The following MIA2 variants were observed in gnomAD, a reference collection of about 807,000 sequenced individuals.
The protein encoded by MIA2 is melanoma inhibitory activity protein 2.
In MIA2, 127 loss-of-function variants were observed where a neutral mutation model predicts 167.8. The observed-to-expected ratio is 0.76, with a 90% confidence interval of 0.66 to 0.88. MIA2 has a LOEUF of 0.88. Ranked by LOEUF, MIA2 falls within the 40% of genes least tolerant of loss-of-function variation. The pLI is 0.00. For missense variants in MIA2, 1,690 were observed against 1,624.7 expected (o/e 1.04, Z -0.69); for synonymous variants, 552 against 541.9 (o/e 1.02, Z -0.26).
At chr14:39,312,386 C>A (rs1452502402) in intron 18 of MIA2, among the ~76,000 whole-genome samples, 1 of 152,186 alleles carries the variant, frequency 6.6e-6, no homozygotes, top group Non-Finnish European at 1.5e-5. Flanking sequence ...AAGTGATTGA[C>A]CTTAGGGAAT....
At chr14:39,364,495 T>C (rs2074773560) in intron 23 of MIA2, among the ~76,000 whole-genome samples, 1 of 152,114 alleles carries the variant, frequency 6.6e-6, no homozygotes, top group Admixed American at 6.5e-5. Flanking sequence ...TTGTTCCTTA[T>C]TTGTATTTGC....
intron 9 of MIA2, 96 bp downstream of exon 9, chr14:39,279,633 T>C: frequency 1.3e-6 from 1 of 779,580 alleles, no homozygotes. Flanking sequence ...TTATGAATGC[T>C]TTGTTTGCAG....
At chr14:39,265,344 G>T (rs1439451070) in intron 6 of MIA2, 2 of 1,414,290 alleles carry the variant, frequency 1.4e-6, no homozygotes. Context: ...TGAGGTGCCT[G>T]GTAGAACTTT....
At chr14:39,315,340 A>G (rs2065216497) in intron 20 of MIA2, 1 of 187,126 alleles carries the variant, frequency 5.3e-6, no homozygotes. Context: ...AAATTGCCGT[A>G]TCTCCTGCTG....
chr14:39,299,305 C>CT (rs34424266), intron 13 of MIA2, among the ~76,000 whole-genome samples: 25,488 of 92,698 alleles, frequency 0.27, 4,976 homozygotes, highest in East Asian at 0.51. Context: ...AATGGTATTT[C>CT]TTTTTTTTTT....
chr14:39,238,732 T>TGCAGTGAACCATGATTGTACCACTGC (rs1346270980), intron 2 of MIA2, among the ~76,000 whole-genome samples: 8 of 141,340 alleles, frequency 5.7e-5, no homozygotes, highest in African/African-American at 1.6e-4. Context: ...AGGTAGAGGC[T>TGCAGTGAACCATGATTGTACCACTGC]GCAGTGAACC....
intron 20 of MIA2, 116 bp from the exon 21 acceptor site, chr14:39,315,567 C>T (rs1443187229): frequency 2.6e-6 from 2 of 756,742 alleles, no homozygotes; most frequent in Non-Finnish European, 4.4e-6. Flanking sequence ...GTTGCCTACT[C>T]TTCAGAGATG....
intron 6 of MIA2, among the ~76,000 whole-genome samples, chr14:39,261,139 C>G (rs781312944): frequency 6.6e-6 from 1 of 152,092 alleles, no homozygotes; most frequent in African/African-American, 2.4e-5. Flanking sequence ...TTCCCTCCCC[C>G]TCCCCTCACC....
intron 21 of MIA2, among the ~76,000 whole-genome samples, chr14:39,316,995 T>C (rs1370958914): frequency 6.6e-6 from 1 of 152,080 alleles, no homozygotes; most frequent in East Asian, 1.9e-4. Flanking sequence ...CACCGCTGCG[T>C]ATTTAGTGAA....
intron 4 of MIA2, 73 bp downstream of exon 4, chr14:39,248,214 G>A (rs2054395604): frequency 8.9e-7 from 1 of 1,119,928 alleles, no homozygotes; most frequent in Admixed American, 3.4e-5. Flanking sequence ...GTGCAAATCA[G>A]ATGAAAAAGT....
chr14:39,312,004 A>G (rs140772712), intron 18 of MIA2, among the ~76,000 whole-genome samples: 274 of 150,006 alleles, frequency 1.8e-3, no homozygotes, highest in African/African-American at 6.1e-3. Flanking sequence ...TAATTTTTGT[A>G]TTTTTAGTGG....
intron 18 of MIA2, 40 bp from the exon 19 acceptor site, chr14:39,313,300 G>T: frequency 9.8e-7 from 1 of 1,021,718 alleles, no homozygotes; most frequent in South Asian, 1.6e-5. Context: ...ATTATCTTTT[G>T]ACATGTATTA....
At chr14:39,303,940 C>T (rs1158947176) in intron 16 of MIA2, among the ~76,000 whole-genome samples, 2 of 151,964 alleles carry the variant, frequency 1.3e-5, no homozygotes, top group South Asian at 2.1e-4. Context: ...GTGGTATCCT[C>T]ATTTTTGCTG....
chr14:39,373,952 A>T (rs551301688), intron 23 of MIA2, among the ~76,000 whole-genome samples: 1 of 152,370 alleles, frequency 6.6e-6, no homozygotes, highest in East Asian at 1.9e-4. Context: ...ACCTGAGCCC[A>T]GGAGTCTCTC....
At chr14:39,255,911 A>G (rs2054794835) in intron 6 of MIA2, among the ~76,000 whole-genome samples, 1 of 152,226 alleles carries the variant, frequency 6.6e-6, no homozygotes, top group Admixed American at 6.5e-5. Context: ...GATCTTGGAA[A>G]GTCACTTATT....
downstream of MIA2, among the ~76,000 whole-genome samples, chr14:39,355,883 T>G (rs2074510000): frequency 2.0e-5 from 3 of 152,256 alleles, 1 homozygote; most frequent in South Asian, 6.2e-4. Context: ...GAACCAGCCC[T>G]GCATCCCAGG....
chr14:39,361,534 G>T (rs1595941894), intron 23 of MIA2, among the ~76,000 whole-genome samples: 1 of 151,792 alleles, frequency 6.6e-6, no homozygotes, highest in East Asian at 1.9e-4. Flanking sequence ...CGCCTCCCGG[G>T]TTCAAGCGAT....
chr14:39,327,608 A>G (rs555911238), intron 25 of MIA2, among the ~76,000 whole-genome samples: 30 of 140,652 alleles, frequency 2.1e-4, no homozygotes, highest in Non-Finnish European at 4.4e-4. Context: ...TCCTAATGCT[A>G]TCCTCCCCTG....
chr14:39,304,379 C>G lies in MIA2; in HGVS notation c.2876C>G (p.Thr959Arg), dbSNP rs747699826. 5.1e-5 allele frequency: 78 copies of G among 1,541,496 alleles called. No individual in the cohort carries two copies. The highest frequency in any genetic ancestry group is 1.7e-4 in the Middle Eastern group (1 of 5,888). The change falls in exon 17 of 29, where the codon ACA becomes AGA. Residue 959 changes from threonine to arginine, a missense_variant and splice_region_variant. Transcript: ENST00000640607. The part of the protein sequence containing the change: ...SEVDKTKEEL[T>R]EHIKNLQTEQ... ...GTTGATAAAACAAAGGAAGAGCTTA[C>G]AGGTAGGTCATTGACATACATACTT...
Sources: gnomAD v4.1 joint callset for allele counts (sites outside exome capture counted in the v4.1 genomes callset) on GRCh38, gnomAD v4.1.1 for gene constraint, MANE v1.5 for transcripts, NCBI Gene and HGNC (gene_info 2026-07-23, HGNC 2026-07-21) for gene names.